Variants in MALRD1 observed in about 807,000 individuals in gnomAD.
MALRD1 encodes the protein MAM and LDL receptor class A domain containing 1.
In MALRD1, 247 loss-of-function variants were observed where a neutral mutation model predicts 242.1. That is an observed-to-expected ratio of 1.02 (90% CI 0.92 to 1.13). The LOEUF is 1.13. Ranked by LOEUF, MALRD1 falls within the 50% of genes most tolerant of loss-of-function variation. The pLI is 0.00. For synonymous variants in MALRD1, 995 were observed against 866.6 expected (o/e 1.15, Z -2.60); for missense variants, 2,989 against 2,533.1 (o/e 1.18, Z -3.86).
At chr10:19,175,409 G>C (rs901925738) in intron 14 of MALRD1, 81 bp downstream of exon 14, 47 of 1,036,962 alleles carry the variant, frequency 4.5e-5, no homozygotes, top group Admixed American at 2.4e-4. Flanking sequence ...ATGTATTAGA[G>C]TCACGAATAC....
At chr10:19,384,253 A>G (rs1286834294) in intron 26 of MALRD1, among the ~76,000 whole-genome samples, 1 of 141,500 alleles carries the variant, frequency 7.1e-6, no homozygotes, top group Admixed American at 7.8e-5. Flanking sequence ...TTATATATAT[A>G]TGTTAAAAAA....
chr10:19,478,462 AAC>A (rs370383023), intron 29 of MALRD1, among the ~76,000 whole-genome samples: 57 of 152,286 alleles, frequency 3.7e-4, no homozygotes, highest in African/African-American at 1.3e-3. Flanking sequence ...ATTAAGACTA[AAC>A]ACACAACGTA....
intron 14 of MALRD1, among the ~76,000 whole-genome samples, chr10:19,181,845 T>C (rs1285440122): frequency 6.6e-6 from 1 of 152,148 alleles, no homozygotes; most frequent in Non-Finnish European, 1.5e-5. Flanking sequence ...ATCTTTAATA[T>C]ACATAATAAA....
At chr10:19,116,425 T>C (rs1588567806) in intron 5 of MALRD1, among the ~76,000 whole-genome samples, 1 of 152,352 alleles carries the variant, frequency 6.6e-6, no homozygotes, top group East Asian at 1.9e-4. Flanking sequence ...TTTTTTATTT[T>C]AGTAGCTTCC....
intron 14 of MALRD1, among the ~76,000 whole-genome samples, chr10:19,186,296 C>T (rs1041140885): frequency 1.3e-5 from 2 of 152,142 alleles, no homozygotes; most frequent in Non-Finnish European, 2.9e-5. Context: ...TTGTGAAAGA[C>T]CCTAATGGGA....
chr10:19,483,912 T>C (rs1027232440), intron 29 of MALRD1, among the ~76,000 whole-genome samples: 2 of 152,128 alleles, frequency 1.3e-5, no homozygotes, highest in Non-Finnish European at 2.9e-5. Flanking sequence ...AAAGAAAATG[T>C]ACATATTATA....
intron 32 of MALRD1, among the ~76,000 whole-genome samples, chr10:19,550,954 C>G (rs983192005): frequency 6.6e-6 from 1 of 152,110 alleles, no homozygotes; most frequent in Non-Finnish European, 1.5e-5. Flanking sequence ...GTTCCTTTTT[C>G]TCCACAACCT....
intron 36 of MALRD1, among the ~76,000 whole-genome samples, chr10:19,641,717 C>T (rs553860936): frequency 2.0e-5 from 3 of 152,094 alleles, no homozygotes; most frequent in Admixed American, 6.5e-5. Context: ...GTGAGCTTGC[C>T]TCTCCCTTAT....
At chr10:19,568,670 A>G (rs190052778) in intron 33 of MALRD1, among the ~76,000 whole-genome samples, 1 of 147,482 alleles carries the variant, frequency 6.8e-6, no homozygotes, top group East Asian at 2.0e-4. Context: ...CCCATTTTCT[A>G]GTAACATTAA....
intron 19 of MALRD1, among the ~76,000 whole-genome samples, chr10:19,277,472 G>C (rs1394868595): frequency 6.6e-6 from 1 of 152,044 alleles, no homozygotes; most frequent in Non-Finnish European, 1.5e-5. Flanking sequence ...AGCAACAATG[G>C]ATTGGTGAGT....
intron 10 of MALRD1, among the ~76,000 whole-genome samples, chr10:19,139,158 T>C (rs917780750): frequency 6.6e-6 from 1 of 152,208 alleles, no homozygotes; most frequent in Non-Finnish European, 1.5e-5. Context: ...TATACAATTA[T>C]GTATGCTGTG....
rs766794110 is a variant in MALRD1, at chr10:19,352,073, C to G, written c.4217C>G (p.Thr1406Arg). The change falls in exon 26 of 40, where the codon ACA becomes AGA. Residue 1406 changes from threonine (T) to arginine (R), a missense_variant. Thr to Arg is a moderately conservative substitution (Grantham distance 71). Transcript: ENST00000454679. ...GALTLMQVSV[T>R]NQTKVLLNLT... ...CTCACCTTAATGCAGGTGTCAGTCA[C>G]AAACCAAACGAAGGTTCTACTTAAC... The G allele has an allele frequency of 1.2e-5, 19 of 1,550,446 alleles. No individual in the cohort carries two copies. The highest frequency in any genetic ancestry group is 8.7e-7 in the Non-Finnish European group (1 of 1,146,880).
intron 31 of MALRD1, among the ~76,000 whole-genome samples, chr10:19,530,126 C>T (rs186170363): frequency 6.6e-6 from 1 of 151,102 alleles, no homozygotes; most frequent in East Asian, 2.0e-4. Flanking sequence ...AATATTGGCT[C>T]ATTAATTGTA....
At chr10:19,481,724 G>A (rs1272498340) in intron 29 of MALRD1, among the ~76,000 whole-genome samples, 2 of 151,994 alleles carry the variant, frequency 1.3e-5, no homozygotes, top group African/African-American at 2.4e-5. Flanking sequence ...ACTCAAAAAG[G>A]AATTGATCCC....
chr10:19,151,648 T>C (rs1404085881), intron 11 of MALRD1, among the ~76,000 whole-genome samples: 2 of 152,292 alleles, frequency 1.3e-5, no homozygotes, highest in South Asian at 2.1e-4. Context: ...TTAAGTGCCA[T>C]GCTTACTGAA....
intron 36 of MALRD1, among the ~76,000 whole-genome samples, chr10:19,635,769 A>G (rs1840100921): frequency 6.6e-6 from 1 of 152,190 alleles, no homozygotes; most frequent in South Asian, 2.1e-4. Context: ...ATTAACACAC[A>G]AAATGCTCTC....
At chr10:19,274,862 GT>G (rs113669056) in intron 19 of MALRD1, among the ~76,000 whole-genome samples, 22,449 of 152,068 alleles carry the variant, frequency 0.15, 1,854 homozygotes, top group Admixed American at 0.27. Context: ...AATGGATATA[GT>G]TTCTGGTTTT....
chr10:19,591,147 T>C (rs1236133542), intron 33 of MALRD1, among the ~76,000 whole-genome samples: 2 of 152,344 alleles, frequency 1.3e-5, no homozygotes, highest in Middle Eastern at 3.4e-3. Context: ...ATAGTCAAAA[T>C]CAGACAGCAT....
chr10:19,442,256 A>G (rs968679965), intron 28 of MALRD1, among the ~76,000 whole-genome samples: 3 of 152,194 alleles, frequency 2.0e-5, no homozygotes, highest in Admixed American at 6.5e-5. Context: ...GGTTTTCTAA[A>G]TATACAATCA....
Sources: gnomAD v4.1 joint callset for allele counts (sites outside exome capture counted in the v4.1 genomes callset) on GRCh38, gnomAD v4.1.1 for gene constraint, MANE v1.5 for transcripts, NCBI Gene and HGNC (gene_info 2026-07-23, HGNC 2026-07-21) for gene names.